The following OPCML variants were observed in gnomAD, a reference collection of about 807,000 sequenced individuals.
OPCML encodes the protein opioid-binding protein/cell adhesion molecule.
Under a neutral mutation model 37.8 loss-of-function variants are expected in OPCML, and 13 were observed. That is an observed-to-expected ratio of 0.34 (90% confidence interval 0.22 to 0.55). The LOEUF is 0.55. Ranked by LOEUF, OPCML falls within the 20% of genes least tolerant of loss-of-function variation. The probability of loss-of-function intolerance (pLI) is 0.91; values close to 1 mark genes in which losing one functional copy is unlikely to be tolerated. For missense variants in OPCML, 341 were observed against 435.6 expected (o/e 0.78, Z 1.93); for synonymous variants, 176 against 168.8 (o/e 1.04, Z -0.33).
chr11:133,499,409 G>C (rs184268618), intron 1 of OPCML, among the ~76,000 whole-genome samples: 1 of 152,202 alleles, frequency 6.6e-6, no homozygotes, highest in Admixed American at 6.5e-5. Context: ...TTCCAATCGG[G>C]AAACAAATAC....
chr11:132,659,563 T>C (rs1195457841), intron 2 of OPCML, among the ~76,000 whole-genome samples: 1 of 152,218 alleles, frequency 6.6e-6, no homozygotes, highest in Non-Finnish European at 1.5e-5. Flanking sequence ...AAACAAATAT[T>C]GCTTTAATTT....
chr11:132,927,131 T>C (rs1298569563), intron 2 of OPCML, among the ~76,000 whole-genome samples: 3 of 152,082 alleles, frequency 2.0e-5, no homozygotes, highest in African/African-American at 7.2e-5. Context: ...AAAGAGTTTA[T>C]TTGAATATGT....
chr11:132,585,945 T>C (rs1318767361), intron 3 of OPCML, among the ~76,000 whole-genome samples: 1 of 152,170 alleles, frequency 6.6e-6, no homozygotes, highest in Non-Finnish European at 1.5e-5. Flanking sequence ...AAGGGGTAAG[T>C]TGTTGGATGC....
Position 132,943,145 on chromosome 11 carries a change from CCGCCCCGCG to C in OPCML, c.62-144_62-136del. On this transcript the variant is annotated intron_variant, in intron 1 of 7. Coordinates refer to ENST00000524381, the MANE Select transcript of OPCML (RefSeq NM_001012393.5). The surrounding 1 kb of genome is among the most constrained non-coding windows in gnomAD (Gnocchi z 4.3). ...CCGGCAGCCGCACAGTCCTGGTCCCCCGCCCCGCGCACCAGCGGGCTCGGGAAGCGGTGC... is the reference window on the plus strand; with the variant it reads ...CCGGCAGCCGCACAGTCCTGGTCCCCCACCAGCGGGCTCGGGAAGCGGTGC... The C allele has an allele frequency of 6.2e-7, 1 of 1,603,698 alleles. No homozygotes were observed. The highest frequency in any genetic ancestry group is 1.1e-5 in the South Asian group (1 of 90,666).
chr11:133,185,877 A>G (rs1192551570), intron 1 of OPCML, among the ~76,000 whole-genome samples: 3 of 152,202 alleles, frequency 2.0e-5, no homozygotes, highest in Admixed American at 2.0e-4. Flanking sequence ...TGTGAAAAGC[A>G]TGAGGTATGA....
intron 1 of OPCML, chr11:133,419,299 C>G (rs1484386194): frequency 1.0e-6 from 1 of 985,226 alleles, no homozygotes; most frequent in African/African-American, 1.7e-5. Flanking sequence ...CTCGAGATGT[C>G]TGGTGTAAAC....
At chr11:132,459,692 T>C (rs2096094468) in intron 4 of OPCML, among the ~76,000 whole-genome samples, 1 of 151,900 alleles carries the variant, frequency 6.6e-6, no homozygotes, top group Non-Finnish European at 1.5e-5. Flanking sequence ...CTTTATTCAC[T>C]GCGATATGCA....
intron 1 of OPCML, among the ~76,000 whole-genome samples, chr11:133,145,228 G>A (rs1949881240): frequency 6.6e-6 from 1 of 152,222 alleles, no homozygotes; most frequent in Non-Finnish European, 1.5e-5. Flanking sequence ...GCAGGGTGCT[G>A]TGGAAATGTT....
intron 1 of OPCML, among the ~76,000 whole-genome samples, chr11:133,397,936 C>T (rs1050073870): frequency 3.3e-5 from 5 of 152,096 alleles, no homozygotes; most frequent in Non-Finnish European, 4.4e-5. Context: ...AAGATGATGC[C>T]ATTTACCCAT....
intron 2 of OPCML, among the ~76,000 whole-genome samples, chr11:132,914,561 G>A (rs534581565): frequency 6.6e-6 from 1 of 152,322 alleles, no homozygotes; most frequent in South Asian, 2.1e-4. Flanking sequence ...ATGGAAAGCA[G>A]ACTAAGAAAC....
intron 1 of OPCML, among the ~76,000 whole-genome samples, chr11:133,202,310 C>T (rs1198039281): frequency 6.6e-6 from 1 of 152,200 alleles, no homozygotes; most frequent in Non-Finnish European, 1.5e-5. Flanking sequence ...CATTTTCCCT[C>T]TGCCACCAAT....
At chr11:132,502,311 C>T (rs114835901) in intron 4 of OPCML, among the ~76,000 whole-genome samples, 2,269 of 152,094 alleles carry the variant, frequency 0.015, 50 homozygotes, top group African/African-American at 0.051. Context: ...TCTCTTTTTT[C>T]TGGTACTTTT....
chr11:132,956,954 G>C (rs1420704745), intron 1 of OPCML, among the ~76,000 whole-genome samples: 1 of 152,158 alleles, frequency 6.6e-6, no homozygotes, highest in Non-Finnish European at 1.5e-5. Context: ...AACATAGCAA[G>C]ATCCTATCTC....
intron 1 of OPCML, chr11:133,302,056 C>T (rs1041944807): frequency 4.6e-5 from 7 of 152,100 alleles, no homozygotes; most frequent in Non-Finnish European, 7.4e-5. Context: ...CTTTATTGTG[C>T]TAAGTTACAT....
At chr11:132,877,347 G>A (rs1168276084) in intron 2 of OPCML, among the ~76,000 whole-genome samples, 2 of 152,146 alleles carry the variant, frequency 1.3e-5, no homozygotes, top group South Asian at 4.1e-4. Flanking sequence ...AAAAGGTGAG[G>A]TCTTCAGGTA....
Position 133,322,511 on chromosome 11 carries a change from A to AGCC in OPCML, c.61+209750_61+209752dup, listed in dbSNP as rs372935283. ...AATTAACAAGACTGGGGTGGGCCCC[A>AGCC]GCCAATGGATTTTTAATAAGTTAAA... On this transcript the variant is annotated intron_variant, in intron 1 of 7. Coordinates refer to ENST00000524381, the MANE Select transcript of OPCML (RefSeq NM_001012393.5). Among the ~76,000 whole-genome samples the AGCC allele has an allele frequency of 6.0e-3, 921 of 152,320 alleles. 15 individuals carry two copies. Among genetic ancestry groups the AGCC allele is most frequent in the African/African-American group, 0.021 (889 of 41,568 alleles).
At chr11:132,633,285 C>T (rs1158563998) in intron 3 of OPCML, among the ~76,000 whole-genome samples, 2 of 150,960 alleles carry the variant, frequency 1.3e-5, no homozygotes, top group Admixed American at 6.6e-5. Flanking sequence ...TCACTGCAAC[C>T]TCTACCTCCT....
chr11:133,256,977 G>A (rs1249661850), intron 1 of OPCML, among the ~76,000 whole-genome samples: 1 of 152,172 alleles, frequency 6.6e-6, no homozygotes, highest in African/African-American at 2.4e-5. Flanking sequence ...CAAAAAACAA[G>A]AAGAATGCTC....
chr11:133,422,746 CA>C (rs1945918694), intron 1 of OPCML: 1 of 950,568 alleles, frequency 1.1e-6, no homozygotes, highest in Non-Finnish European at 1.3e-6. Context: ...TGTAACATTT[CA>C]AAAATAATGT....
Sources: allele counts gnomAD v4.1 joint callset (sites outside exome capture counted in the v4.1 genomes callset), GRCh38; gene constraint gnomAD v4.1.1; non-coding constraint Gnocchi (gnomAD v3.1); transcripts MANE v1.5; gene names NCBI Gene and HGNC (gene_info 2026-07-23, HGNC 2026-07-21).